The following NKAIN3 variants were observed in gnomAD, a reference collection of about 807,000 sequenced individuals.
NKAIN3 encodes the protein sodium/potassium-transporting ATPase subunit beta-1-interacting protein 3.
Under a neutral mutation model 30.2 loss-of-function variants are expected in NKAIN3, and 25 were observed. That is an observed-to-expected ratio of 0.83 (90% confidence interval 0.60 to 1.16). The LOEUF is 1.16. NKAIN3 is among the 50% of genes most tolerant of loss of function. The pLI is 0.00. For synonymous variants in NKAIN3, 91 were observed against 89.6 expected, an observed-to-expected ratio of 1.02 and a Z score of -0.09; for missense variants, 225 against 254.1, an observed-to-expected ratio of 0.89 and a Z score of 0.78.
intron 1 of NKAIN3, among the ~76,000 whole-genome samples, chr8:62,467,384 C>G (rs1204097118): frequency 6.6e-6 from 1 of 152,102 alleles, no homozygotes; most frequent in East Asian, 1.9e-4. Context: ...CTTATGAAAA[C>G]AAAGGTACAA....
intron 6 of NKAIN3, among the ~76,000 whole-genome samples, chr8:62,958,169 G>C (rs576200919): frequency 4.6e-5 from 7 of 151,980 alleles, no homozygotes; most frequent in Admixed American, 2.6e-4. Context: ...CATAGTTCTC[G>C]TATAAAGTGA....
At chr8:62,670,125 G>T (rs1187332532) in intron 3 of NKAIN3, among the ~76,000 whole-genome samples, 2 of 152,118 alleles carry the variant, frequency 1.3e-5, no homozygotes, top group Non-Finnish European at 2.9e-5. Flanking sequence ...GACGAGAAGA[G>T]ACATAGAGAA....
intron 1 of NKAIN3, among the ~76,000 whole-genome samples, chr8:62,504,084 C>G (rs1167488441): frequency 6.6e-6 from 1 of 152,198 alleles, no homozygotes; most frequent in Non-Finnish European, 1.5e-5. Context: ...ATCCGGGGTC[C>G]CTGACTTCCC....
rs140987567 is a variant in NKAIN3 at position 62,529,357 on chromosome 8, T to A, written c.55-50182T>A. On this transcript the variant is annotated intron_variant, in intron 1 of 6. Transcript: ENST00000623646. The stretch of plus-strand genomic sequence containing the variant: ...TGCTCCCTTCTGCTTTTCATTATGC[T>A]TGTTATTGAATGAATCTTTTTTTCC... 4.4e-3 allele frequency among the ~76,000 whole-genome samples: 671 copies of A among 152,322 alleles called. 6 individuals carry two copies. The highest frequency in any genetic ancestry group is 0.015 in the African/African-American group (639 of 41,572).
chr8:62,756,052 T>C (rs1257047652), intron 4 of NKAIN3, among the ~76,000 whole-genome samples: 1 of 152,212 alleles, frequency 6.6e-6, no homozygotes, highest in Non-Finnish European at 1.5e-5. Flanking sequence ...TATACTCTCT[T>C]GGTGAAATGT....
At chr8:62,509,441 C>T (rs58547599) in intron 1 of NKAIN3, among the ~76,000 whole-genome samples, 3,490 of 152,210 alleles carry the variant, frequency 0.023, 129 homozygotes, top group African/African-American at 0.079. Flanking sequence ...CCCCTGTCTG[C>T]TCCTTTCCTT....
chr8:62,872,494 C>T (rs932839438), intron 4 of NKAIN3, among the ~76,000 whole-genome samples: 1 of 152,242 alleles, frequency 6.6e-6, no homozygotes, highest in Non-Finnish European at 1.5e-5. Context: ...GCTGAAAGTG[C>T]AAATGCAGGA....
intron 1 of NKAIN3, among the ~76,000 whole-genome samples, chr8:62,288,779 A>C (rs1372145738): frequency 3.3e-5 from 5 of 152,150 alleles, no homozygotes; most frequent in Non-Finnish European, 7.3e-5. Context: ...GCTGGGTCAA[A>C]TGGTATTTCT....
chr8:62,740,711 G>A (rs370394683), intron 3 of NKAIN3, among the ~76,000 whole-genome samples: 45 of 151,982 alleles, frequency 3.0e-4, no homozygotes, highest in African/African-American at 8.9e-4. Flanking sequence ...ATGTGTGCAG[G>A]CATATGCACA....
intron 5 of NKAIN3, among the ~76,000 whole-genome samples, chr8:62,995,225 G>A (rs1197952819): frequency 6.6e-6 from 1 of 152,198 alleles, no homozygotes; most frequent in Non-Finnish European, 1.5e-5. Flanking sequence ...TTAATATTAA[G>A]CAAATAAACC....
intron 4 of NKAIN3, 30 bp from the exon 5 acceptor site, chr8:62,918,423 C>G (rs1177462289): frequency 6.4e-7 from 1 of 1,555,528 alleles, no homozygotes; most frequent in Non-Finnish European, 8.9e-7. Context: ...GGCATAGATT[C>G]TTAAGGTACA....
At chr8:62,794,504 A>G (rs1158938570) in intron 4 of NKAIN3, among the ~76,000 whole-genome samples, 1 of 152,022 alleles carries the variant, frequency 6.6e-6, no homozygotes, top group African/African-American at 2.4e-5. Flanking sequence ...CCCCCACCAA[A>G]TCTACATAAA....
At chr8:62,431,980 A>C (rs542884533) in intron 1 of NKAIN3, among the ~76,000 whole-genome samples, 2 of 149,630 alleles carry the variant, frequency 1.3e-5, no homozygotes, top group Non-Finnish European at 3.0e-5. Context: ...AGGGAGAATC[A>C]TTCTTAGCAA....
chr8:62,638,716 C>T (rs1368980925), intron 3 of NKAIN3, among the ~76,000 whole-genome samples: 4 of 152,104 alleles, frequency 2.6e-5, no homozygotes, highest in Non-Finnish European at 2.9e-5. Context: ...CCCATTCCTA[C>T]TGCTATTGAT....
intron 4 of NKAIN3, among the ~76,000 whole-genome samples, chr8:62,824,572 C>G (rs571012863): frequency 6.6e-6 from 1 of 151,882 alleles, no homozygotes; most frequent in African/African-American, 2.4e-5. Context: ...ACACAACATG[C>G]TTTGGAAATG....
At chr8:62,876,802 G>A (rs183008982) in intron 4 of NKAIN3, among the ~76,000 whole-genome samples, 228 of 152,112 alleles carry the variant, frequency 1.5e-3, no homozygotes, top group African/African-American at 5.4e-3. Flanking sequence ...AATACACCAG[G>A]GCCTATTGAG....
chr8:62,579,773 T>C, intron 2 of NKAIN3, 97 bp downstream of exon 2: 1 of 634,212 alleles, frequency 1.6e-6, no homozygotes, highest in Non-Finnish European at 2.3e-6. Context: ...TCTGATATAA[T>C]GTGGCATTGC....
intron 3 of NKAIN3, among the ~76,000 whole-genome samples, chr8:62,733,835 TTGAC>T (rs1182841232): frequency 6.6e-6 from 1 of 152,232 alleles, no homozygotes; most frequent in Non-Finnish European, 1.5e-5. Context: ...TTCCAAATCA[TTGAC>T]TGTCTCTTAA....
At chr8:62,499,331 A>G (rs1807343265) in intron 1 of NKAIN3, among the ~76,000 whole-genome samples, 1 of 152,054 alleles carries the variant, frequency 6.6e-6, no homozygotes, top group Admixed American at 6.6e-5. Context: ...CCAACTTCGC[A>G]GTACTCATGG....
Sources: allele counts gnomAD v4.1 joint callset (sites outside exome capture counted in the v4.1 genomes callset), GRCh38; gene constraint gnomAD v4.1.1; transcripts MANE v1.5; gene names NCBI Gene and HGNC (gene_info 2026-07-23, HGNC 2026-07-21).